GRK2: variants seen among roughly 807,000 people sequenced by gnomAD.
GRK2 encodes G protein-coupled receptor kinase 2.
GRK2 carries 23 observed loss-of-function variants against 97.8 expected under a neutral mutation model. That is an observed-to-expected ratio of 0.24 (90% confidence interval 0.17 to 0.33). GRK2 has a LOEUF of 0.33. Among genes scored for constraint, GRK2 ranks in the 10% least tolerant of loss-of-function variants. The pLI is 1.00. For synonymous variants in GRK2, 425 were observed against 381.7 expected, an observed-to-expected ratio of 1.11 and a Z score of -1.32; for missense variants, 633 against 956.9, an observed-to-expected ratio of 0.66 and a Z score of 4.47.
In GRK2 at chr11:67,266,806, A is replaced by T; in HGVS notation, c.107A>T (p.Glu36Val). The change falls in exon 1 of 21, where the codon GAG becomes GTG. Residue 36 changes from glutamate to valine, a missense_variant. By Grantham distance (121) the Glu-to-Val change is moderately radical. Coordinates refer to ENST00000308595, the MANE Select transcript of GRK2 (RefSeq NM_001619.5). Reference sequence around the variant, plus strand: ...GCCAGCAAGAAGATCCTGCTGCCCGAGCCCAGGTGAGGAGAAGCTGCCCGC... The same window carrying T: ...GCCAGCAAGAAGATCCTGCTGCCCGTGCCCAGGTGAGGAGAAGCTGCCCGC... ...ARASKKILLP[E>V]PSIRSVMQKY... The T allele has an allele frequency of 7.7e-7, 1 of 1,298,804 alleles. No homozygotes were observed. Among genetic ancestry groups the T allele is most frequent in the Non-Finnish European group, 9.9e-7 (1 of 1,012,340 alleles). The allele number at this position is 1,298,804 out of a possible 1,614,324, so 80.5% of individuals were successfully genotyped here.
chr11:67,271,206 A>G (rs1224473873), intron 1 of GRK2, among the ~76,000 whole-genome samples: 3 of 152,100 alleles, frequency 2.0e-5, no homozygotes, highest in Non-Finnish European at 4.4e-5. Flanking sequence ...CCGGCTCCCC[A>G]TGGGTCAGTT....
At chr11:67,267,499 C>A (rs1209686194) in intron 1 of GRK2, among the ~76,000 whole-genome samples, 3 of 152,178 alleles carry the variant, frequency 2.0e-5, no homozygotes, top group Non-Finnish European at 4.4e-5. Flanking sequence ...GCGCTCAGGT[C>A]GGGGAAACAT....
In GRK2 at chr11:67,283,703, A is replaced by T. The variant is rs763533666; in HGVS notation, c.1329-4A>T. On this transcript the variant is annotated splice_region_variant and splice_polypyrimidine_tract_variant and intron_variant, in intron 15 of 20. Coordinates refer to ENST00000308595, the MANE Select transcript of GRK2 (RefSeq NM_001619.5). The stretch of plus-strand genomic sequence containing the variant: ...GAGCCCAGATGACTGGCCTCTCCCC[A>T]CAGGGCTCAGGAGGTGAAAGAGAGC... 1 of 1,613,122 alleles carries T rather than the reference A, an allele frequency of 6.2e-7. No homozygotes were observed. The highest frequency in any genetic ancestry group is 1.7e-5 in the Admixed American group (1 of 60,010).
Position 67,281,067 on chromosome 11 carries a change from T to C in GRK2, c.556-26T>C, listed in dbSNP as rs764842962. 6.3e-7 allele frequency: 1 copy of C among 1,594,530 alleles called. No homozygotes were observed. Among genetic ancestry groups the C allele is most frequent in the South Asian group, 1.1e-5 (1 of 89,400 alleles). ...AGGGCTGGGCAGAGGCAGCCTGTGG[T>C]GACCGCAGCTGTCGCTGCCCCTCAG... On this transcript the variant is annotated intron_variant, in intron 7 of 20. Transcript: ENST00000308595. The surrounding 1 kb of genome is among the most constrained non-coding windows in gnomAD (Gnocchi z 5.7).
At chr11:67,280,042 G>A (rs1269297966) in intron 6 of GRK2, 142 bp downstream of exon 6, 1 of 789,576 alleles carries the variant, frequency 1.3e-6, no homozygotes, top group East Asian at 2.6e-5. Flanking sequence ...CCCCTTGCAA[G>A]GACTCCTGAG....
rs1349166743 is a variant in GRK2, at chr11:67,286,520, A to C, written c.*1070A>C. 1 of 701,908 alleles carries C rather than the reference A, an allele frequency of 1.4e-6. No homozygotes were observed. The highest frequency in any genetic ancestry group is 2.0e-5 in the Admixed American group (1 of 49,980). 43.5% of individuals were successfully genotyped at this position (701,908 alleles called of 1,614,324 possible). On this transcript the variant is annotated 3_prime_UTR_variant, in exon 21 of 21. Transcript: ENST00000308595. Reference sequence around the variant, plus strand: ...TTGAATGTGATTTTAAAGAGTGAAAAATGAGACTATGCGTTTTTATAAAAA... The same window carrying C: ...TTGAATGTGATTTTAAAGAGTGAAACATGAGACTATGCGTTTTTATAAAAA...
rs1363496728 is a variant in GRK2 at position 67,283,168 on chromosome 11, C to G, written c.1268C>G (p.Ser423Cys). The G allele has an allele frequency of 6.2e-7, 1 of 1,614,038 alleles. No individual in the cohort carries two copies. Among genetic ancestry groups the G allele is most frequent in the South Asian group, 1.1e-5 (1 of 91,086 alleles). The change falls in exon 15 of 21, where the codon TCC (serine) becomes TGC (cysteine). Residue 423 changes from serine to cysteine, a missense_variant. Physicochemically the swap from Ser to Cys is moderately radical, Grantham distance 112. This residue lies in a region of GRK2 where 68 missense variants were observed against 71.0 expected (regional missense o/e 0.96). Transcript: ENST00000308595. ...LPDSFSPELR[S>C]LLEGLLQRDV... The stretch of plus-strand genomic sequence containing the variant: ...GACTCCTTCTCCCCTGAACTACGCT[C>G]CCTGCTGGAGGGGTTGCTGCAGAGG...
In GRK2 at chr11:67,285,798, C is replaced by T. The variant is rs763114131; in HGVS notation, c.*348C>T. The T allele has an allele frequency of 1.1e-4, 35 of 308,412 alleles. No individual in the cohort carries two copies. Among genetic ancestry groups the T allele is most frequent in the Non-Finnish European group, 1.5e-4 (25 of 165,368 alleles). 19.1% of individuals were successfully genotyped at this position (308,412 alleles called of 1,614,324 possible). A position where few individuals can be genotyped will look rare whatever the true frequency, so the allele number is the denominator to read the frequency against. On this transcript the variant is annotated 3_prime_UTR_variant, in exon 21 of 21. Transcript: ENST00000308595. ...TGTGCCCATGGGCACTGCTGGGTGG[C>T]CCATCCCCCCTCACCAGGGGCAGGC... is the stretch of plus-strand genomic sequence containing the variant.
Position 67,282,557 on chromosome 11 carries a change from C to T in GRK2, c.1160+15C>T. On this transcript the variant is annotated intron_variant, in intron 13 of 20. Coordinates refer to ENST00000308595, the MANE Select transcript of GRK2 (RefSeq NM_001619.5). The surrounding 1 kb of genome is among the most constrained non-coding windows in gnomAD (Gnocchi z 6.9). ...TTGCTGCGGGGGTGAGTGGCCCATC[C>T]CAGGTGGGCAGGTGGGTTGGGGCTA... is the stretch of plus-strand genomic sequence containing the variant. The T allele has an allele frequency of 6.2e-7, 1 of 1,609,946 alleles. No individual in the cohort carries two copies. Among genetic ancestry groups the T allele is most frequent in the South Asian group, 1.1e-5 (1 of 90,944 alleles).
Position 67,269,189 on chromosome 11 carries a change from C to T in GRK2, c.113+2377C>T, listed in dbSNP as rs1205138045. 2.0e-5 allele frequency among the ~76,000 whole-genome samples: 3 copies of T among 152,184 alleles called. No individual in the cohort carries two copies. The highest frequency in any genetic ancestry group is 7.2e-5 in the African/African-American group (3 of 41,448). On this transcript the variant is annotated intron_variant, in intron 1 of 20. Coordinates refer to ENST00000308595, the MANE Select transcript of GRK2 (RefSeq NM_001619.5). This position sits in a 1 kb window ranked among gnomAD's most constrained non-coding sequence, Gnocchi z 4.1. ...TGGGGCAGAGCACGCCGCCCCCCGC[C>T]CCCCGCCGCCCCAGTGGTGATCCTG...
Position 67,286,386 on chromosome 11 carries a change from G to T in GRK2, c.*936G>T. 1.4e-5 allele frequency: 10 copies of T among 699,808 alleles called. No individual in the cohort carries two copies. Among genetic ancestry groups the T allele is most frequent in the Non-Finnish European group, 2.6e-5 (10 of 383,718 alleles). The allele number at this position is 699,808 out of a possible 1,614,324, so 43.3% of individuals were successfully genotyped here. ...CGCCTCGCCCACCGCATGCCCCCTCGTGCCAGTCGCGCTGCCTGTGTGGTG... is the reference window on the plus strand; with the variant it reads ...CGCCTCGCCCACCGCATGCCCCCTCTTGCCAGTCGCGCTGCCTGTGTGGTG... On this transcript the variant is annotated 3_prime_UTR_variant, in exon 21 of 21. Coordinates refer to ENST00000308595, the MANE Select transcript of GRK2 (RefSeq NM_001619.5).
Position 67,276,542 on chromosome 11 carries a change from A to C in GRK2, c.114-730A>C, listed in dbSNP as rs1026094893. 3.3e-5 allele frequency: 5 copies of C among 152,358 alleles called. No individual in the cohort carries two copies. The East Asian group carries it at 9.6e-4, about 29-fold the overall frequency. The allele number at this position is 152,358 out of a possible 1,614,324, so 9.4% of individuals were successfully genotyped here. A position where few individuals can be genotyped will look rare whatever the true frequency, so the allele number is the denominator to read the frequency against. On this transcript the variant is annotated intron_variant, in intron 1 of 20. Transcript: ENST00000308595. The surrounding 1 kb of genome is among the most constrained non-coding windows in gnomAD (Gnocchi z 4.2). The stretch of plus-strand genomic sequence containing the variant: ...CATTTTATATCCAAGTACTAGGGAC[A>C]CACGAACCAAGGCATGGCCTTTTCT...
At chr11:67,273,754 G>A (rs1166672886) in intron 1 of GRK2, among the ~76,000 whole-genome samples, 1 of 152,124 alleles carries the variant, frequency 6.6e-6, no homozygotes, top group Non-Finnish European at 1.5e-5. Context: ...GAAGAATGTG[G>A]TGGCCATGCC....
chr11:67,277,307 G>A lies in GRK2; in HGVS notation c.149G>A (p.Arg50Gln), dbSNP rs768707526. The A allele has an allele frequency of 9.3e-6, 15 of 1,613,638 alleles. 1 individual carries two copies. The highest frequency in any genetic ancestry group is 1.6e-4 in the Middle Eastern group (1 of 6,084). ...RSVMQKYLED[R>Q]GEVTFEKIFS... ...GTCATGCAGAAGTACCTGGAGGACC[G>A]GGGCGAGGTGACCTTTGAGAAGATC... Residue 50 changes from arginine to glutamine, a missense_variant, in exon 2 of 21, where the codon CGG becomes CAG. By Grantham distance (43) the Arg-to-Gln change is conservative (BLOSUM62 1). Coordinates refer to ENST00000308595, the MANE Select transcript of GRK2 (RefSeq NM_001619.5).
rs1031682366 is a variant in GRK2, at chr11:67,282,528, C to T, written c.1146C>T (p.Phe382=). 1 of 1,613,606 alleles carries T rather than the reference C, an allele frequency of 6.2e-7. No individual in the cohort carries two copies. The highest frequency in any genetic ancestry group is 8.5e-7 in the Non-Finnish European group (1 of 1,179,956). ...ADWFSLGCML[F]KLLRGHSPFR... is the part of the protein sequence containing the mutation. ...GGTTCTCTCTGGGGTGCATGCTCTT[C>T]AAGTTGCTGCGGGGGTGAGTGGCCC... The change falls in exon 13 of 21, where the codon TTC becomes TTT. Residue 382 remains phenylalanine (F), a synonymous_variant. Coordinates refer to ENST00000308595, the MANE Select transcript of GRK2 (RefSeq NM_001619.5). This position sits in a 1 kb window ranked among gnomAD's most constrained non-coding sequence, Gnocchi z 6.9.
rs769060363 is a variant in GRK2 at position 67,276,313 on chromosome 11, C to T, written c.114-959C>T. ...TGGCTGTTGGGACAGACCGGCAGGG[C>T]TGGGCTTGAGGTGGGCCAGGAGAGG... On this transcript the variant is annotated intron_variant, in intron 1 of 20. Coordinates refer to ENST00000308595, the MANE Select transcript of GRK2 (RefSeq NM_001619.5). The surrounding 1 kb of genome is among the most constrained non-coding windows in gnomAD (Gnocchi z 4.2). Among the ~76,000 whole-genome samples, 21 of 152,318 alleles carry T rather than the reference C, an allele frequency of 1.4e-4. No individual in the cohort carries two copies. The highest frequency in any genetic ancestry group is 2.8e-4 in the Non-Finnish European group (19 of 68,020).
rs1040378071 is a variant in GRK2 at position 67,276,267 on chromosome 11, G to T, written c.114-1005G>T. Among the ~76,000 whole-genome samples, 2 of 152,220 alleles carry T rather than the reference G, an allele frequency of 1.3e-5. No individual in the cohort carries two copies. The highest frequency in any genetic ancestry group is 2.9e-5 in the Non-Finnish European group (2 of 68,028). ...TTACCCCAGGAGCCCAGACTAGTGA[G>T]GACCAGATGCAGGCCTCAGCTGGCT... On this transcript the variant is annotated intron_variant, in intron 1 of 20. Transcript: ENST00000308595. This position sits in a 1 kb window ranked among gnomAD's most constrained non-coding sequence, Gnocchi z 4.2.
intron 1 of GRK2, among the ~76,000 whole-genome samples, chr11:67,275,475 C>T (rs551739900): frequency 3.2e-4 from 48 of 152,062 alleles, no homozygotes; most frequent in Non-Finnish European, 5.3e-4. Context: ...CTCCCACCCA[C>T]CCCCTTCCCC....
chr11:67,270,748 T>TTTCCC (rs1232571133), intron 1 of GRK2, among the ~76,000 whole-genome samples: 1 of 152,234 alleles, frequency 6.6e-6, no homozygotes, highest in Non-Finnish European at 1.5e-5. Flanking sequence ...CTGGGATGTC[T>TTTCCC]TTCCCGTCTG....
Sources: gnomAD v4.1 joint callset for allele counts (sites outside exome capture counted in the v4.1 genomes callset) on GRCh38, gnomAD v4.1.1 for gene constraint, gnomAD v4.1.1 regional missense constraint, Gnocchi (gnomAD v3.1) non-coding constraint, MANE v1.5 for transcripts, NCBI Gene and HGNC (gene_info 2026-07-23, HGNC 2026-07-21) for gene names.